Variants in SART1 observed in about 807,000 individuals in gnomAD.
SART1 encodes the protein U4/U6.U5 tri-snRNP-associated protein 1.
SART1 carries 28 observed loss-of-function variants against 105.0 expected under a neutral mutation model. The ratio of observed to expected loss-of-function variants is 0.27; its 90% CI spans 0.20 to 0.37. SART1 has a LOEUF of 0.37. SART1 is among the 10% of genes least tolerant of loss of function. The pLI is 1.00. For missense variants in SART1, 894 were observed against 1,106.5 expected, an observed-to-expected ratio of 0.81 and a Z score of 2.72; for synonymous variants, 472 against 462.9, an observed-to-expected ratio of 1.02 and a Z score of -0.25.
intron 15 of SART1, 127 bp from the exon 16 acceptor site, chr11:65,977,436 C>T (rs1855504698): frequency 1.6e-5 from 12 of 770,676 alleles, no homozygotes; most frequent in Non-Finnish European, 2.4e-5. Flanking sequence ...GCCTGTAGAA[C>T]AGGCCTGATG....
At chr11:65,965,291 G>A (rs761811706) in intron 4 of SART1, 51 bp from the exon 5 acceptor site, 1 of 1,604,004 alleles carries the variant, frequency 6.2e-7, no homozygotes, top group South Asian at 1.1e-5. Flanking sequence ...TCTTGAGTGG[G>A]GTGGGGAGCA....
rs1046419248 is a variant in SART1 at position 65,979,867 on chromosome 11, C to G, written c.*837C>G. ...GTGGCTCATGCTTGTAATCACAGCACTTTAGGAGGCTGAGGCAGGAGGACT... is the reference window on the plus strand; with the variant it reads ...GTGGCTCATGCTTGTAATCACAGCAGTTTAGGAGGCTGAGGCAGGAGGACT... On this transcript the variant is annotated 3_prime_UTR_variant, in exon 20 of 20. Coordinates refer to ENST00000312397, the MANE Select transcript of SART1 (RefSeq NM_005146.5). The G allele has an allele frequency of 1.3e-5, 2 of 152,178 alleles. No homozygotes were observed. The highest frequency in any genetic ancestry group is 4.8e-5 in the African/African-American group (2 of 41,440). The allele number at this position is 152,178 out of a possible 1,614,324, so 9.4% of individuals were successfully genotyped here. A position where few individuals can be genotyped will look rare whatever the true frequency, so the allele number is the denominator to read the frequency against.
Position 65,978,987 on chromosome 11 carries a change from C to G in SART1, c.2385-25C>G, listed in dbSNP as rs140704257. The G allele has an allele frequency of 1.4e-3, 2,205 of 1,614,086 alleles. 22 individuals are homozygous for G. In the African/African-American group the frequency reaches 0.023, roughly 17 times the overall value. On this transcript the variant is annotated intron_variant, in intron 19 of 19. Coordinates refer to ENST00000312397, the MANE Select transcript of SART1 (RefSeq NM_005146.5). This position sits in a 1 kb window ranked among gnomAD's most constrained non-coding sequence, Gnocchi z 6.8. Reference sequence around the variant, plus strand: ...CGTGGCCTGTGCCCGCCTCTGCAGCCTCACGCCCCTGTTCTTCTCTGCAGG... The same window carrying G: ...CGTGGCCTGTGCCCGCCTCTGCAGCGTCACGCCCCTGTTCTTCTCTGCAGG...
At chr11:65,964,287 C>T (rs937505341) in intron 2 of SART1, 156 bp downstream of exon 2, 1 of 861,198 alleles carries the variant, frequency 1.2e-6, no homozygotes, top group African/African-American at 1.7e-5. Flanking sequence ...GAAGAGAAAA[C>T]TAAAACCTAA....
At chr11:65,969,548 C>T (rs565705871) in intron 12 of SART1, among the ~76,000 whole-genome samples, 52 of 152,294 alleles carry the variant, frequency 3.4e-4, no homozygotes, top group African/African-American at 1.2e-3. Context: ...CTCCTGGGCT[C>T]AAGGGATCCT....
At chr11:65,966,582 G>A (rs777475525) in intron 9 of SART1, 26 bp downstream of exon 9, 75 of 1,470,966 alleles carry the variant, frequency 5.1e-5, no homozygotes, top group Admixed American at 7.8e-5. Context: ...CCTTATACTC[G>A]GGGTCAAGAT....
intron 5 of SART1, 67 bp downstream of exon 5, chr11:65,965,514 G>A: frequency 6.8e-7 from 1 of 1,480,330 alleles, no homozygotes; most frequent in Non-Finnish European, 9.2e-7. Flanking sequence ...CTGAGGCGGG[G>A]GCCAACCCCA....
In SART1 at chr11:65,967,600, C is replaced by A; in HGVS notation, c.1429+14C>A. The A allele has an allele frequency of 6.2e-7, 1 of 1,610,232 alleles. No individual in the cohort carries two copies. ...TCAGTGATGAGGGTGAGGGCCCGGC[C>A]AGGGGGTGGGAGGGGCAGGGACAGG... is the stretch of plus-strand genomic sequence containing the variant. On this transcript the variant is annotated intron_variant, in intron 11 of 19. Coordinates refer to ENST00000312397, the MANE Select transcript of SART1 (RefSeq NM_005146.5).
chr11:65,964,700 T>C (rs1225185812), intron 3 of SART1, 130 bp downstream of exon 3: 5 of 905,308 alleles, frequency 5.5e-6, no homozygotes, highest in Non-Finnish European at 8.3e-6. Flanking sequence ...CCGGAAGGCA[T>C]GAGGTCCCTC....
chr11:65,979,309 G>A lies in SART1; in HGVS notation c.*279G>A, dbSNP rs571218204. 48 of 573,762 alleles carry A rather than the reference G, an allele frequency of 8.4e-5. No homozygotes were observed. In the East Asian group the frequency reaches 1.2e-3, roughly 14 times the overall value. The allele number at this position is 573,762 out of a possible 1,614,324, so 35.5% of individuals were successfully genotyped here. A position where few individuals can be genotyped will look rare whatever the true frequency, so the allele number is the denominator to read the frequency against. ...GGCTCTCTGATAGAAAGTGGAAGGC[G>A]GTTTTAGAAACTCATCACCCTGCTC... On this transcript the variant is annotated 3_prime_UTR_variant, in exon 20 of 20. Transcript: ENST00000312397.
intron 12 of SART1, among the ~76,000 whole-genome samples, chr11:65,970,668 G>A (rs1034142478): frequency 1.3e-5 from 2 of 151,316 alleles, no homozygotes. Flanking sequence ...GCAAAGAGAT[G>A]GGAGATGCTG....
Position 65,976,775 on chromosome 11 carries a change from C to T in SART1, c.1857+9C>T, listed in dbSNP as rs376362379. On this transcript the variant is annotated intron_variant, in intron 14 of 19. Transcript: ENST00000312397. This position sits in a 1 kb window ranked among gnomAD's most constrained non-coding sequence, Gnocchi z 5.1. ...AGAAGCAGCAGCAGGATGTGAGGGCCGCGCCGCTGGGGGGTGGGCGTTTGG... is the reference window on the plus strand; with the variant it reads ...AGAAGCAGCAGCAGGATGTGAGGGCTGCGCCGCTGGGGGGTGGGCGTTTGG... 2.6e-5 allele frequency: 42 copies of T among 1,596,422 alleles called. No homozygotes were observed. Among genetic ancestry groups the T allele is most frequent in the South Asian group, 4.5e-5 (4 of 89,334 alleles).
intron 12 of SART1, among the ~76,000 whole-genome samples, chr11:65,974,073 A>G (rs963549636): frequency 2.0e-5 from 3 of 151,806 alleles, no homozygotes; most frequent in Non-Finnish European, 2.9e-5. Flanking sequence ...TTTAAAAACT[A>G]TATCAGCCGC....
intron 12 of SART1, among the ~76,000 whole-genome samples, chr11:65,975,514 C>G (rs1010498524): frequency 6.7e-6 from 1 of 148,548 alleles, no homozygotes; most frequent in Non-Finnish European, 1.5e-5. Context: ...TCAAGCAGTA[C>G]TCCCACCTCA....
chr11:65,967,298 C>G lies in SART1; in HGVS notation c.1228C>G (p.Arg410Gly), dbSNP rs113428761. The G allele has an allele frequency of 8.3e-4, 1,337 of 1,613,958 alleles. 1 individual carries two copies. Among genetic ancestry groups the G allele is most frequent in the Non-Finnish European group, 1.0e-3 (1,226 of 1,180,008 alleles). ...GACCAAGCGGAGGGTGAAGAAAATC[C>G]GCAAGAAGGAGAAGGAGGTAGTAGT... ...KKTKRRVKKI[R>G]KKEKEVVVRA... The change falls in exon 10 of 20, where the codon CGC becomes GGC. Residue 410 changes from arginine to glycine, a missense_variant. Around this residue, in one of 2 missense-constraint regions of SART1, gnomAD observed 712 missense variants for 778.2 expected, o/e 0.91. Coordinates refer to ENST00000312397, the MANE Select transcript of SART1 (RefSeq NM_005146.5).
In SART1 at chr11:65,978,172, C is replaced by T. The variant is rs1016079993; in HGVS notation, c.2172+273C>T. ...ACCTCTGCCCTCCTGTCCTCACCTG[C>T]GTGAGCCCTTCACTGGCTTTCCTGG... On this transcript the variant is annotated intron_variant, in intron 17 of 19. Transcript: ENST00000312397. This position sits in a 1 kb window ranked among gnomAD's most constrained non-coding sequence, Gnocchi z 6.8. The T allele has an allele frequency of 4.5e-5, 24 of 532,822 alleles. No homozygotes were observed. Among genetic ancestry groups the T allele is most frequent in the Non-Finnish European group, 6.4e-5 (19 of 296,346 alleles). The allele number at this position is 532,822 out of a possible 1,614,324, so 33.0% of individuals were successfully genotyped here. A position where few individuals can be genotyped will look rare whatever the true frequency, so the allele number is the denominator to read the frequency against.
intron 12 of SART1, among the ~76,000 whole-genome samples, chr11:65,973,644 G>A (rs977985071): frequency 2.0e-5 from 3 of 152,190 alleles, no homozygotes; most frequent in South Asian, 2.1e-4. Flanking sequence ...CACCTCTCCC[G>A]AGTGTGCCCA....
At position 65,979,100 on chromosome 11, in the gene SART1, C is replaced by T. The variant is rs1191735959; in HGVS notation, c.*70C>T. On this transcript the variant is annotated 3_prime_UTR_variant, in exon 20 of 20. Transcript: ENST00000312397. ...AAAGCTCCCTCCTTATTTTTTCCTCCCTGGTCGTGGTACAGATTCCAGGGT... is the reference window on the plus strand; with the variant it reads ...AAAGCTCCCTCCTTATTTTTTCCTCTCTGGTCGTGGTACAGATTCCAGGGT... 1.3e-6 allele frequency: 2 copies of T among 1,597,344 alleles called. No individual in the cohort carries two copies. The highest frequency in any genetic ancestry group is 1.3e-5 in the African/African-American group (1 of 74,480).
At position 65,978,043 on chromosome 11, in the gene SART1, G is replaced by T. The variant is rs1855520138; in HGVS notation, c.2172+144G>T. The T allele has an allele frequency of 1.2e-6, 1 of 860,134 alleles. No individual in the cohort carries two copies. The highest frequency in any genetic ancestry group is 1.8e-5 in the South Asian group (1 of 56,868). The allele number at this position is 860,134 out of a possible 1,614,324, so 53.3% of individuals were successfully genotyped here. ...GGGGGCCTGGTGAATGCCACGGATG[G>T]GGAGGGGGCCCTCAGGGCTGAGGAA... is the stretch of plus-strand genomic sequence containing the variant. On this transcript the variant is annotated intron_variant, in intron 17 of 19. Coordinates refer to ENST00000312397, the MANE Select transcript of SART1 (RefSeq NM_005146.5). This position sits in a 1 kb window ranked among gnomAD's most constrained non-coding sequence, Gnocchi z 6.8.
Sources: allele counts gnomAD v4.1 joint callset (sites outside exome capture counted in the v4.1 genomes callset), GRCh38; gene constraint gnomAD v4.1.1; regional missense constraint gnomAD v4.1.1; non-coding constraint Gnocchi (gnomAD v3.1); transcripts MANE v1.5; gene names NCBI Gene and HGNC (gene_info 2026-07-23, HGNC 2026-07-21).